PPFIBP2: variants seen among roughly 807,000 people sequenced by gnomAD.
PPFIBP2 encodes liprin-beta-2.
In PPFIBP2, 118 loss-of-function variants were observed where a neutral mutation model predicts 118.3. The ratio of observed to expected loss-of-function variants is 1.00; its 90% CI spans 0.86 to 1.16. PPFIBP2 has a LOEUF of 1.16. Among genes scored for constraint, PPFIBP2 ranks in the 50% most tolerant of loss-of-function variants. The pLI, the probability that PPFIBP2 is intolerant of heterozygous loss-of-function variation, is 0.00. For synonymous variants in PPFIBP2, 414 were observed against 397.4 expected (o/e 1.04, Z -0.50); for missense variants, 1,195 against 1,073.1 (o/e 1.11, Z -1.59).
intron 12 of PPFIBP2, among the ~76,000 whole-genome samples, chr11:7,633,827 A>T (rs112066874): frequency 6.6e-6 from 1 of 152,220 alleles, no homozygotes; most frequent in Non-Finnish European, 1.5e-5. Flanking sequence ...CAAGAGACTA[A>T]TATTTTTTAA....
downstream of PPFIBP2, among the ~76,000 whole-genome samples, chr11:7,660,998 CT>C (rs1346362838): frequency 2.6e-5 from 4 of 151,926 alleles, no homozygotes; most frequent in African/African-American, 9.6e-5. Context: ...GTGATATCCC[CT>C]GTATCATTTT....
intron 3 of PPFIBP2, among the ~76,000 whole-genome samples, chr11:7,572,799 G>C (rs1418265420): frequency 2.0e-5 from 3 of 152,134 alleles, no homozygotes; most frequent in Non-Finnish European, 2.9e-5. Flanking sequence ...TGTTTTTTGA[G>C]ACGGAGTTTT....
At chr11:7,626,877 G>A (rs537870929) in intron 8 of PPFIBP2, among the ~76,000 whole-genome samples, 9 of 152,226 alleles carry the variant, frequency 5.9e-5, no homozygotes, top group Non-Finnish European at 1.3e-4. Flanking sequence ...GGGTGTGGAA[G>A]CCATGCAACA....
Position 7,590,127 on chromosome 11 carries a change from A to T in PPFIBP2, c.280-3005A>T, listed in dbSNP as rs141415921. On this transcript the variant is annotated intron_variant, in intron 3 of 23. Transcript: ENST00000299492. Reference sequence around the variant, plus strand: ...TTACCTTAGGCTGATGAGTATTAGCATTCAGCAAGACAATCCTCTTCTTGG... The same window carrying T: ...TTACCTTAGGCTGATGAGTATTAGCTTTCAGCAAGACAATCCTCTTCTTGG... 2.0e-3 allele frequency among the ~76,000 whole-genome samples: 302 copies of T among 152,328 alleles called. 1 individual carries two copies. Among genetic ancestry groups the T allele is most frequent in the African/African-American group, 7.0e-3 (292 of 41,586 alleles).
the PPFIBP2 span, among the ~76,000 whole-genome samples, chr11:7,663,522 C>T: frequency 1.8e-4 from 28 of 152,264 alleles, no homozygotes; most frequent in Admixed American, 7.2e-4. Context: ...TCTGCAGCTG[C>T]GAGCTGGGAG....
chr11:7,590,106 C>T (rs1158471649), intron 3 of PPFIBP2, among the ~76,000 whole-genome samples: 1 of 152,194 alleles, frequency 6.6e-6, no homozygotes, highest in Non-Finnish European at 1.5e-5. Context: ...AAATCCTTAC[C>T]TTAGGCTGAT....
chr11:7,649,294 C>G, intron 20 of PPFIBP2, 59 bp downstream of exon 20: 1 of 1,445,468 alleles, frequency 6.9e-7, no homozygotes, highest in Non-Finnish European at 9.6e-7. Context: ...CTCACGTGTA[C>G]CCATGGTGGT....
intron 4 of PPFIBP2, among the ~76,000 whole-genome samples, chr11:7,594,942 A>G (rs1565023328): frequency 2.0e-5 from 3 of 151,882 alleles, no homozygotes; most frequent in African/African-American, 7.3e-5. Context: ...AAAAAAGAAA[A>G]AGGAGAGTGT....
chr11:7,603,956 G>T (rs78753128), intron 5 of PPFIBP2, among the ~76,000 whole-genome samples: 2,686 of 152,204 alleles, frequency 0.018, 78 homozygotes, highest in African/African-American at 0.061. Context: ...CTTATCCTCA[G>T]CTCGCTGCCT....
chr11:7,637,152 T>C (rs1179405244), intron 14 of PPFIBP2, among the ~76,000 whole-genome samples: 1 of 152,240 alleles, frequency 6.6e-6, no homozygotes, highest in African/African-American at 2.4e-5. Context: ...TTCTCTGGGC[T>C]GAACATCACC....
chr11:7,550,025 T>C (rs1852785292), intron 2 of PPFIBP2, among the ~76,000 whole-genome samples: 1 of 152,234 alleles, frequency 6.6e-6, no homozygotes, highest in African/African-American at 2.4e-5. Flanking sequence ...ATATTGTTTT[T>C]TATCCCTCTC....
At chr11:7,582,118 G>A (rs1047547224) in intron 3 of PPFIBP2, among the ~76,000 whole-genome samples, 3 of 150,502 alleles carry the variant, frequency 2.0e-5, no homozygotes, top group Admixed American at 6.6e-5. Flanking sequence ...GATTACAGGC[G>A]TGAGCCACCG....
At chr11:7,658,806 CTGT>C, downstream of PPFIBP2, among the ~76,000 whole-genome samples, 1 of 99,574 alleles carries the variant, frequency 1.0e-5, no homozygotes, top group South Asian at 3.9e-4. Flanking sequence ...TCTCCAGCAC[CTGT>C]TGTTTCCTGA....
At chr11:7,577,336 T>TATGTGC in intron 3 of PPFIBP2, 1 of 311,812 alleles carries the variant, frequency 3.2e-6, no homozygotes, top group Non-Finnish European at 6.4e-6. Flanking sequence ...TGTGTGTGTG[T>TATGTGC]GTGTGTGTGT....
At chr11:7,663,857 G>GT in the PPFIBP2 span, among the ~76,000 whole-genome samples, 1 of 152,202 alleles carries the variant, frequency 6.6e-6, no homozygotes, top group African/African-American at 2.4e-5. Flanking sequence ...ATGGTGCGCC[G>GT]TTTTTTAAGC....
the PPFIBP2 span, among the ~76,000 whole-genome samples, chr11:7,663,558 A>G: frequency 6.6e-6 from 1 of 152,348 alleles, no homozygotes; most frequent in African/African-American, 2.4e-5. Flanking sequence ...CAAAGCTGTC[A>G]GACAGGGACA....
intron 2 of PPFIBP2, among the ~76,000 whole-genome samples, chr11:7,562,976 T>TACACACACACACACAC (rs1362495585): frequency 1.0e-5 from 1 of 100,468 alleles, no homozygotes; most frequent in Admixed American, 1.1e-4. Flanking sequence ...TATATATATA[T>TACACACACACACACAC]ACACGCACAC....
chr11:7,598,313 G>A (rs997972111), intron 5 of PPFIBP2: 24 of 284,896 alleles, frequency 8.4e-5, no homozygotes, highest in African/African-American at 5.3e-4. Context: ...AATTTTTGCT[G>A]TATTGTCATC....
At chr11:7,607,334 A>G (rs1180564370) in intron 5 of PPFIBP2, among the ~76,000 whole-genome samples, 3 of 143,828 alleles carry the variant, frequency 2.1e-5, no homozygotes, top group South Asian at 2.1e-4. Flanking sequence ...CAGCCTCTCA[A>G]GTAGCTGGAA....
Sources: gnomAD v4.1 joint callset for allele counts (sites outside exome capture counted in the v4.1 genomes callset) on GRCh38, gnomAD v4.1.1 for gene constraint, MANE v1.5 for transcripts, NCBI Gene and HGNC (gene_info 2026-07-23, HGNC 2026-07-21) for gene names.